The following LOC128462377 variants were observed in gnomAD, a reference collection of about 807,000 sequenced individuals.
chr16:89,355,214 A>AGAGGGCTCACGGAGGGAGGGCG, the LOC128462377 span, among the ~76,000 whole-genome samples: 1 of 151,776 alleles, frequency 6.6e-6, no homozygotes, highest in Non-Finnish European at 1.5e-5. Flanking sequence ...GGAGGCGGGC[A>AGAGGGCTCACGGAGGGAGGGCG]GAGGGCTCAC....
chr16:89,363,098 C>T, the LOC128462377 span, among the ~76,000 whole-genome samples: 10 of 152,062 alleles, frequency 6.6e-5, no homozygotes, highest in African/African-American at 2.4e-4. Context: ...ATTAAATTTA[C>T]GTTCAAGTGC....
chr16:89,331,003 G>T, the LOC128462377 span, among the ~76,000 whole-genome samples: 3 of 152,042 alleles, frequency 2.0e-5, no homozygotes, highest in African/African-American at 7.2e-5. Context: ...GCCCAGGCTG[G>T]AGTGCAATGG....
the LOC128462377 span, among the ~76,000 whole-genome samples, chr16:89,359,338 C>T: frequency 1.3e-5 from 2 of 152,268 alleles, no homozygotes; most frequent in East Asian, 1.9e-4. Context: ...ACAACTCAAT[C>T]GCACGTACAG....
chr16:89,393,430 T>C, the LOC128462377 span, among the ~76,000 whole-genome samples: 1 of 150,968 alleles, frequency 6.6e-6, no homozygotes, highest in Non-Finnish European at 1.5e-5. Context: ...TTCAAGCAAT[T>C]CTCCCACCTC....
At chr16:89,391,171 T>C in the LOC128462377 span, among the ~76,000 whole-genome samples, 5 of 142,350 alleles carry the variant, frequency 3.5e-5, no homozygotes, top group Non-Finnish European at 6.0e-5. Context: ...GAGCTTGCAG[T>C]GAGCCGAGAT....
chr16:89,342,792 A>G, the LOC128462377 span, among the ~76,000 whole-genome samples: 6,672 of 152,310 alleles, frequency 0.044, 486 homozygotes, highest in African/African-American at 0.15. Context: ...ATGTTAAAAC[A>G]TGAAAAACAT....
the LOC128462377 span, among the ~76,000 whole-genome samples, chr16:89,322,188 GCT>G: frequency 1.3e-5 from 2 of 152,192 alleles, no homozygotes; most frequent in African/African-American, 4.8e-5. Context: ...TCAAGGGTTT[GCT>G]GTAATTTGTA....
At chr16:89,325,955 G>A in the LOC128462377 span, among the ~76,000 whole-genome samples, 1 of 152,222 alleles carries the variant, frequency 6.6e-6, no homozygotes, top group Non-Finnish European at 1.5e-5. Flanking sequence ...ATGTCGGGCA[G>A]GCCTAGCCAT....
chr16:89,337,006 C>CA, the LOC128462377 span, among the ~76,000 whole-genome samples: 9 of 39,718 alleles, frequency 2.3e-4, no homozygotes, highest in African/African-American at 7.9e-4. Flanking sequence ...CCTGGCTCTA[C>CA]CAAAAAAAAA....
the LOC128462377 span, among the ~76,000 whole-genome samples, chr16:89,339,638 G>A: frequency 6.6e-6 from 1 of 152,106 alleles, no homozygotes; most frequent in African/African-American, 2.4e-5. Flanking sequence ...ATTAGCAATA[G>A]CTAATGTTTC....
the LOC128462377 span, among the ~76,000 whole-genome samples, chr16:89,333,228 TA>T: frequency 6.6e-6 from 1 of 152,186 alleles, no homozygotes; most frequent in African/African-American, 2.4e-5. Flanking sequence ...ACACTGAAAA[TA>T]AAACATATTT....
the LOC128462377 span, among the ~76,000 whole-genome samples, chr16:89,350,079 A>G: frequency 9.2e-5 from 14 of 152,202 alleles, no homozygotes; most frequent in African/African-American, 3.4e-4. Flanking sequence ...CCCCCCACCA[A>G]AAAAGCCACA....
At chr16:89,346,242 C>A in the LOC128462377 span, among the ~76,000 whole-genome samples, 2 of 131,216 alleles carry the variant, frequency 1.5e-5, no homozygotes, top group Non-Finnish European at 3.2e-5. Flanking sequence ...AGGGAGACCC[C>A]GTCTCAGGAA....
At chr16:89,376,809 G>C in the LOC128462377 span, among the ~76,000 whole-genome samples, 1 of 152,208 alleles carries the variant, frequency 6.6e-6, no homozygotes, top group Non-Finnish European at 1.5e-5. Context: ...AAGAACATTT[G>C]TTAGTAAGAA....
the LOC128462377 span, chr16:89,418,268 T>C: frequency 3.5e-5 from 16 of 453,782 alleles, no homozygotes; most frequent in Non-Finnish European, 6.6e-5. Flanking sequence ...TGATAGAGAA[T>C]GCAGTGAGTA....
chr16:89,415,317 C>T, the LOC128462377 span, among the ~76,000 whole-genome samples: 514 of 136,428 alleles, frequency 3.8e-3, 5 homozygotes, highest in African/African-American at 0.014. Context: ...CAGGCTGGAG[C>T]GCAGTGGTGC....
At chr16:89,353,541 A>C in the LOC128462377 span, among the ~76,000 whole-genome samples, 1 of 151,228 alleles carries the variant, frequency 6.6e-6, no homozygotes, top group African/African-American at 2.4e-5. Context: ...ACAGTGGTGC[A>C]ATCTCGGCTC....
the LOC128462377 span, among the ~76,000 whole-genome samples, chr16:89,357,919 G>T: frequency 3.3e-5 from 5 of 152,242 alleles, no homozygotes; most frequent in Non-Finnish European, 7.3e-5. Context: ...ACACTGGGAT[G>T]AAAGTAATGA....
At chr16:89,416,550 G>C in the LOC128462377 span, among the ~76,000 whole-genome samples, 1 of 152,132 alleles carries the variant, frequency 6.6e-6, no homozygotes, top group Non-Finnish European at 1.5e-5. Context: ...CACCCACCTT[G>C]ACATCTCAAA....
Sources: allele counts gnomAD v4.1 joint callset (sites outside exome capture counted in the v4.1 genomes callset), GRCh38; gene constraint gnomAD v4.1.1; transcripts MANE v1.5.